The following SIL1 variants were observed in gnomAD, a reference collection of about 807,000 sequenced individuals.
SIL1 encodes the protein SIL1 nucleotide exchange factor, also known as nucleotide exchange factor SIL1.
SIL1 carries 40 observed loss-of-function variants against 49.1 expected under a neutral mutation model. The observed-to-expected ratio is 0.81, with a 90% CI of 0.63 to 1.06. The LOEUF is 1.06. SIL1 is among the 50% of genes least tolerant of loss of function. The probability of loss-of-function intolerance (pLI) is 0.00; values close to 1 mark genes in which losing one functional copy is unlikely to be tolerated. For synonymous variants in SIL1, 253 were observed against 250.8 expected (o/e 1.01, Z -0.08); for missense variants, 500 against 572.6 (o/e 0.87, Z 1.29).
intron 1 of SIL1, among the ~76,000 whole-genome samples, chr5:139,160,685 C>T (rs1432590305): frequency 1.3e-5 from 2 of 151,964 alleles, no homozygotes; most frequent in South Asian, 2.1e-4. Context: ...CAAAAATTAG[C>T]TGGGTGTGGT....
At chr5:139,028,091 G>T (rs1768701476) in intron 5 of SIL1, among the ~76,000 whole-genome samples, 1 of 152,110 alleles carries the variant, frequency 6.6e-6, no homozygotes, top group Non-Finnish European at 1.5e-5. Flanking sequence ...GTCTGGGAAG[G>T]CTGAGTCACT....
intron 2 of SIL1, among the ~76,000 whole-genome samples, chr5:139,126,392 A>G (rs76631420): frequency 0.019 from 2,840 of 152,304 alleles, 42 homozygotes; most frequent in South Asian, 0.061. Context: ...CCTTAAGTAA[A>G]TTCATCAGCA....
intron 3 of SIL1, among the ~76,000 whole-genome samples, chr5:139,096,454 C>CT (rs1396608226): frequency 6.6e-6 from 1 of 152,006 alleles, no homozygotes; most frequent in East Asian, 1.9e-4. Flanking sequence ...GAAACACAAT[C>CT]TCCTAAGACA....
At chr5:139,022,283 C>T (rs1768546743) in intron 6 of SIL1, 1 of 152,250 alleles carries the variant, frequency 6.6e-6, no homozygotes, top group African/African-American at 2.4e-5. Context: ...CCAGATTCCA[C>T]AGGGCCCCTT....
chr5:138,959,313 C>T (rs1187832656), intron 7 of SIL1, among the ~76,000 whole-genome samples: 1 of 152,244 alleles, frequency 6.6e-6, no homozygotes, highest in Non-Finnish European at 1.5e-5. Flanking sequence ...TTTGGGATAA[C>T]TAGAGTCAAT....
At chr5:139,121,256 C>A in intron 2 of SIL1, 83 bp from the exon 3 acceptor site, 1 of 1,577,482 alleles carries the variant, frequency 6.3e-7, no homozygotes, top group Non-Finnish European at 8.7e-7. Context: ...GTGGCACGTT[C>A]TTTTCCTCCA....
chr5:139,189,952 T>C (rs975050963), intron 1 of SIL1, among the ~76,000 whole-genome samples: 2 of 152,134 alleles, frequency 1.3e-5, no homozygotes, highest in African/African-American at 4.8e-5. Flanking sequence ...GCCAAAAAGG[T>C]TGGGGACTGC....
At chr5:139,044,403 C>T (rs550421634) in intron 4 of SIL1, among the ~76,000 whole-genome samples, 6 of 152,228 alleles carry the variant, frequency 3.9e-5, no homozygotes, top group African/African-American at 7.2e-5. Context: ...TCTCTGTTTA[C>T]GCCTTAAGTC....
At chr5:139,011,695 T>C (rs757558924) in intron 7 of SIL1, among the ~76,000 whole-genome samples, 1 of 152,116 alleles carries the variant, frequency 6.6e-6, no homozygotes, top group Non-Finnish European at 1.5e-5. Context: ...AGTGCCTTAT[T>C]TTTTATGTGC....
intron 1 of SIL1, among the ~76,000 whole-genome samples, chr5:139,169,938 T>G (rs915186177): frequency 3.3e-5 from 5 of 151,632 alleles, no homozygotes; most frequent in African/African-American, 1.2e-4. Flanking sequence ...ACTGTACTGC[T>G]GCCATCTCGG....
In SIL1 at chr5:139,193,191, T is replaced by A. The variant is rs1001834199; in HGVS notation, c.-11+5078A>T. On this transcript the variant is annotated intron_variant, in intron 1 of 9. Transcript: ENST00000394817. ...AATTGATTCTTGGGGGAAAAAAAGT[T>A]AGATATTACAATGGTTTGTGGCCAT... 5.9e-5 allele frequency among the ~76,000 whole-genome samples: 9 copies of A among 151,938 alleles called. 1 individual carries two copies. Among genetic ancestry groups the A allele is most frequent in the Admixed American group, 3.9e-4 (6 of 15,242 alleles).
At chr5:138,966,656 A>G (rs1222799965) in intron 7 of SIL1, among the ~76,000 whole-genome samples, 1 of 152,158 alleles carries the variant, frequency 6.6e-6, no homozygotes, top group Non-Finnish European at 1.5e-5. Flanking sequence ...CCTCATCGCC[A>G]TGAGAGGAGG....
chr5:138,958,319 CTCAGT>C (rs1261525354), intron 7 of SIL1, among the ~76,000 whole-genome samples: 1 of 152,202 alleles, frequency 6.6e-6, no homozygotes, highest in Non-Finnish European at 1.5e-5. Context: ...CCGTATCTTT[CTCAGT>C]GTATCACATA....
chr5:139,176,979 C>CTGGA (rs1751897410), intron 1 of SIL1, among the ~76,000 whole-genome samples: 1 of 130,938 alleles, frequency 7.6e-6, no homozygotes, highest in South Asian at 2.6e-4. Context: ...GTCGCCCAGG[C>CTGGA]TGGAGTGCAG....
chr5:139,163,994 C>T (rs1176103568), intron 1 of SIL1, among the ~76,000 whole-genome samples: 2 of 151,912 alleles, frequency 1.3e-5, no homozygotes, highest in Non-Finnish European at 2.9e-5. Context: ...TGGCGTAAGC[C>T]TGTAATCCCA....
At chr5:139,045,795 A>G (rs1018423172) in intron 4 of SIL1, among the ~76,000 whole-genome samples, 9 of 152,172 alleles carry the variant, frequency 5.9e-5, no homozygotes, top group Non-Finnish European at 4.4e-5. Context: ...CTTTATCCTG[A>G]ATCTGTGCCC....
chr5:138,972,054 G>A (rs548140525), intron 7 of SIL1, among the ~76,000 whole-genome samples: 1 of 152,268 alleles, frequency 6.6e-6, no homozygotes, highest in Admixed American at 6.5e-5. Context: ...TAGGGTCCCT[G>A]GGGAGAGCTG....
rs117504704 is a variant in SIL1, at chr5:139,116,215, T to C, written c.244+4820A>G. On this transcript the variant is annotated intron_variant, in intron 3 of 9. Coordinates refer to ENST00000394817, the MANE Select transcript of SIL1 (RefSeq NM_022464.5). Reference sequence around the variant, plus strand: ...GTTTTTAAAATTCAATTCCCTCTTATTGCTCGTGCAGATCTGAAATGATCT... The same window carrying C: ...GTTTTTAAAATTCAATTCCCTCTTACTGCTCGTGCAGATCTGAAATGATCT... Among the ~76,000 whole-genome samples, 36 of 152,372 alleles carry C rather than the reference T, an allele frequency of 2.4e-4. No individual in the cohort carries two copies. In the East Asian group the frequency reaches 5.4e-3, roughly 23 times the overall value.
At chr5:139,102,358 T>C (rs575223061) in intron 3 of SIL1, among the ~76,000 whole-genome samples, 1 of 152,296 alleles carries the variant, frequency 6.6e-6, no homozygotes, top group South Asian at 2.1e-4. Flanking sequence ...ACACAAGCCA[T>C]AATGTTAATT....
Sources: allele counts gnomAD v4.1 joint callset (sites outside exome capture counted in the v4.1 genomes callset), GRCh38; gene constraint gnomAD v4.1.1; transcripts MANE v1.5; gene names NCBI Gene and HGNC (gene_info 2026-07-23, HGNC 2026-07-21).